The following SEC14L2 variants were observed in gnomAD, a reference collection of about 807,000 sequenced individuals.
The protein encoded by SEC14L2 is SEC14-like protein 2.
In SEC14L2, 50 loss-of-function variants were observed where a neutral mutation model predicts 56.9. The observed-to-expected ratio is 0.88, with a 90% CI of 0.70 to 1.11. SEC14L2 has a LOEUF of 1.11. SEC14L2 is among the 50% of genes most tolerant of loss of function. The pLI, the probability that SEC14L2 is intolerant of heterozygous loss-of-function variation, is 0.00. For synonymous variants in SEC14L2, 179 were observed against 188.5 expected (o/e 0.95, Z 0.41); for missense variants, 414 against 500.7 (o/e 0.83, Z 1.65).
intron 2 of SEC14L2, among the ~76,000 whole-genome samples, chr22:30,400,776 T>C (rs1601769784): frequency 1.3e-5 from 2 of 150,996 alleles, no homozygotes; most frequent in East Asian, 3.9e-4. Flanking sequence ...GCACCTGTAA[T>C]CCCAGCTACT....
intron 11 of SEC14L2, among the ~76,000 whole-genome samples, chr22:30,419,335 C>T (rs112248953): frequency 2.6e-5 from 4 of 152,232 alleles, no homozygotes; most frequent in African/African-American, 7.2e-5. Context: ...GTGGATCACT[C>T]GAGGCCAACA....
chr22:30,414,456 T>G (rs1413226223), intron 8 of SEC14L2, among the ~76,000 whole-genome samples: 1 of 152,056 alleles, frequency 6.6e-6, no homozygotes, highest in Non-Finnish European at 1.5e-5. Flanking sequence ...AGCTTAGCAG[T>G]GCAGATTAAA....
intron 2 of SEC14L2, among the ~76,000 whole-genome samples, chr22:30,401,463 G>T (rs1933931048): frequency 6.6e-6 from 1 of 151,436 alleles, no homozygotes; most frequent in African/African-American, 2.4e-5. Context: ...TAGGATTACA[G>T]GCGTGAGCCA....
In SEC14L2 at chr22:30,399,644, T is replaced by A. The variant is rs549220960; in HGVS notation, c.56T>A (p.Phe19Tyr). The A allele has an allele frequency of 1.2e-4, 190 of 1,613,036 alleles. No individual in the cohort carries two copies. The South Asian group carries it at 1.9e-3, about 16-fold the overall frequency. The change falls in exon 2 of 12, where the codon TTT becomes TAT. Residue 19 changes from phenylalanine to tyrosine, a missense_variant and splice_region_variant. Physicochemically the swap from Phe to Tyr is conservative, Grantham distance 22. Coordinates refer to ENST00000615189, the MANE Select transcript of SEC14L2 (RefSeq NM_012429.5). ...TCACCCCGATGCCTCTCCCTACAGT[T>A]TCGGGAGAATGTCCAGGATGTGCTG... is the stretch of plus-strand genomic sequence containing the variant. ...SPRQKEALAK[F>Y]RENVQDVLPA... is the part of the protein sequence containing the mutation.
intron 1 of SEC14L2, chr22:30,398,835 T>C: frequency 2.1e-6 from 1 of 467,760 alleles, no homozygotes; most frequent in Non-Finnish European, 4.4e-6. Flanking sequence ...ATCCCAACTC[T>C]GCTAATGACT....
rs55835116 is a variant in SEC14L2, at chr22:30,401,186, GATTTATTTATTT to G, written c.130+1498_130+1509del. 2.9e-3 allele frequency among the ~76,000 whole-genome samples: 424 copies of G among 146,424 alleles called. 2 individuals are homozygous for G. The highest frequency in any genetic ancestry group is 9.1e-3 in the African/African-American group (366 of 40,438). The stretch of plus-strand genomic sequence containing the variant: ...CTGCCTTGAACTCCTGGTCTCAAGT[GATTTATTTATTT>G]ATTTATTTATTTATTTATTTATTTA... On this transcript the variant is annotated intron_variant, in intron 2 of 11. Coordinates refer to ENST00000615189, the MANE Select transcript of SEC14L2 (RefSeq NM_012429.5).
At chr22:30,414,789 T>C (rs1449922386) in intron 8 of SEC14L2, among the ~76,000 whole-genome samples, 1 of 151,512 alleles carries the variant, frequency 6.6e-6, no homozygotes, top group Non-Finnish European at 1.5e-5. Flanking sequence ...AGAGCCAAAT[T>C]ACTGGTGGCT....
chr22:30,415,636 C>T (rs571652943), intron 8 of SEC14L2, 123 bp from the exon 9 acceptor site: 7 of 741,546 alleles, frequency 9.4e-6, no homozygotes, highest in Admixed American at 4.6e-5. Context: ...GAATTTGAGG[C>T]GGGGTGTTGT....
chr22:30,397,626 C>A (rs544037238), intron 1 of SEC14L2: 13 of 315,278 alleles, frequency 4.1e-5, no homozygotes, highest in Non-Finnish European at 7.5e-5. Context: ...GCTCCTGCCC[C>A]GGCACCAAGC....
chr22:30,425,079 A>G lies in SEC14L2; in HGVS notation c.*2672A>G, dbSNP rs1347306369. 7.0e-5 allele frequency: 19 copies of G among 270,140 alleles called. 1 individual carries two copies. The highest frequency in any genetic ancestry group is 1.5e-5 in the Non-Finnish European group (2 of 133,878). The allele number at this position is 270,140 out of a possible 1,614,324, so 16.7% of individuals were successfully genotyped here. On this transcript the variant is annotated 3_prime_UTR_variant, in exon 12 of 12. Transcript: ENST00000615189. ...CTAGCCTCATTTAGAGCTCGCATTA[A>G]GAGCACGGGATCTGGATCCACACTG...
intron 2 of SEC14L2, among the ~76,000 whole-genome samples, chr22:30,400,894 CAAAAAAAAAAAAAA>C (rs1185861063): frequency 3.3e-4 from 16 of 48,602 alleles, no homozygotes; most frequent in Admixed American, 4.0e-4. Flanking sequence ...GACTCCGTCT[CAAAAAAAAAAAAAA>C]AAAAAAAAAA....
At chr22:30,407,635 G>T (rs944980910) in intron 5 of SEC14L2, 32 bp downstream of exon 5, 4 of 1,596,380 alleles carry the variant, frequency 2.5e-6, no homozygotes, top group African/African-American at 2.7e-5. Context: ...GAAATGAGTT[G>T]ACCACAGCAG....
rs113202909 is a variant in SEC14L2, at chr22:30,409,636, G to A, written c.580+150G>A. On this transcript the variant is annotated intron_variant, in intron 7 of 11. Transcript: ENST00000615189. The stretch of plus-strand genomic sequence containing the variant: ...TGCCCCTGCTAGTGTGCTGGCTCAC[G>A]CCTGTAACCCCAGCACTTTGGGAGG... 890 of 786,030 alleles carry A rather than the reference G, an allele frequency of 1.1e-3. 6 individuals carry two copies. In the African/African-American group the frequency reaches 0.013, roughly 12 times the overall value. The allele number at this position is 786,030 out of a possible 1,614,324, so 48.7% of individuals were successfully genotyped here. A position where few individuals can be genotyped will look rare whatever the true frequency, so the allele number is the denominator to read the frequency against.
At chr22:30,402,737 T>TG (rs1310336859) in intron 2 of SEC14L2, among the ~76,000 whole-genome samples, 1 of 133,360 alleles carries the variant, frequency 7.5e-6, no homozygotes, top group Non-Finnish European at 1.6e-5. Context: ...GAATCTCAAT[T>TG]GGGTTTTTTT....
At chr22:30,398,587 C>A in intron 1 of SEC14L2, 1 of 423,078 alleles carries the variant, frequency 2.4e-6, no homozygotes. Flanking sequence ...ACTACCTGCA[C>A]TTTCCCGCTT....
intron 1 of SEC14L2, among the ~76,000 whole-genome samples, chr22:30,398,127 C>T (rs1933811096): frequency 6.6e-6 from 1 of 152,184 alleles, no homozygotes; most frequent in South Asian, 2.1e-4. Flanking sequence ...GGCACCAGCT[C>T]CATAAAGCCT....
rs1359809913 is a variant in SEC14L2 at position 30,397,132 on chromosome 22, G to A, written c.16G>A (p.Gly6Ser). The change falls in exon 1 of 12, where the codon GGC becomes AGC. Residue 6 changes from glycine to serine, a missense_variant. Transcript: ENST00000615189. ...TTGAGCCACGATGAGCGGCAGAGTC[G>A]GCGATCTGAGCCCCAGGCAGAAGGA... is the stretch of plus-strand genomic sequence containing the variant. Reference protein sequence around the residue: MSGRVGDLSPRQKEAL... With the variant: MSGRVSDLSPRQKEAL... 6.5e-7 allele frequency: 1 copy of A among 1,547,968 alleles called. No individual in the cohort carries two copies. The highest frequency in any genetic ancestry group is 8.7e-7 in the Non-Finnish European group (1 of 1,145,918).
At chr22:30,408,790 G>A (rs756805951) in intron 5 of SEC14L2, among the ~76,000 whole-genome samples, 1 of 152,222 alleles carries the variant, frequency 6.6e-6, no homozygotes, top group African/African-American at 2.4e-5. Flanking sequence ...GGGGATGCAG[G>A]AAGCATTAGA....
intron 8 of SEC14L2, among the ~76,000 whole-genome samples, chr22:30,415,012 G>A (rs145708935): frequency 2.2e-4 from 34 of 152,300 alleles, no homozygotes; most frequent in Admixed American, 1.0e-3. Context: ...CCCGCCACAC[G>A]TGCTGTTTCC....
Sources: gnomAD v4.1 joint callset for allele counts (sites outside exome capture counted in the v4.1 genomes callset) on GRCh38, gnomAD v4.1.1 for gene constraint, MANE v1.5 for transcripts, NCBI Gene and HGNC (gene_info 2026-07-23, HGNC 2026-07-21) for gene names.